PTK2B: variants seen among roughly 807,000 people sequenced by gnomAD.
The protein encoded by PTK2B is protein tyrosine kinase 2 beta, also known as protein-tyrosine kinase 2-beta.
A neutral mutation model predicts 142.9 loss-of-function variants in PTK2B; 71 were observed. That is an observed-to-expected ratio of 0.50 (90% confidence interval 0.41 to 0.61). The LOEUF (loss-of-function observed/expected upper bound fraction) is 0.61. Ranked by LOEUF, PTK2B falls within the 20% of genes least tolerant of loss-of-function variation. The pLI is 0.00. For missense variants in PTK2B, 1,105 were observed against 1,320.4 expected (o/e 0.84, Z 2.53); for synonymous variants, 519 against 503.4 (o/e 1.03, Z -0.42).
intron 3 of PTK2B, 84 bp downstream of exon 3, chr8:27,420,157 C>T (rs757560576): frequency 1.3e-6 from 2 of 1,488,636 alleles, no homozygotes; most frequent in African/African-American, 1.4e-5. Context: ...CCTTAGAGCA[C>T]TCCCCTGCCT....
At chr8:27,340,437 G>A (rs1202435006) in intron 1 of PTK2B, among the ~76,000 whole-genome samples, 1 of 152,230 alleles carries the variant, frequency 6.6e-6, no homozygotes, top group Non-Finnish European at 1.5e-5. Context: ...TGTTTTGGAA[G>A]CTGGGAACAT....
upstream of PTK2B, among the ~76,000 whole-genome samples, chr8:27,324,019 C>A: frequency 6.6e-6 from 1 of 152,158 alleles, no homozygotes; most frequent in East Asian, 1.9e-4. Context: ...AACAACTCAC[C>A]CAGGTATCTA....
chr8:27,313,325 A>C (rs534078583), intron 3 of PTK2B: 3 of 152,288 alleles, frequency 2.0e-5, no homozygotes, highest in African/African-American at 4.8e-5. Flanking sequence ...TAAATTACCC[A>C]GTCAGTCTAA....
chr8:27,445,935 A>G lies in PTK2B; in HGVS notation c.2340+16A>G, dbSNP rs746648247. The G allele has an allele frequency of 3.7e-6, 6 of 1,612,578 alleles. 1 individual carries two copies. The highest frequency in any genetic ancestry group is 2.5e-6 in the Non-Finnish European group (3 of 1,180,016). ...CAGCATGCGGGTAAGAGGGCTCTGC[A>G]TGCTGGTCCCTGCCCGGACTGAGGA... On this transcript the variant is annotated intron_variant, in intron 24 of 30. Transcript: ENST00000346049.
chr8:27,315,573 T>A (rs1240378413), intron 3 of PTK2B, among the ~76,000 whole-genome samples: 3 of 152,180 alleles, frequency 2.0e-5, no homozygotes, highest in Admixed American at 2.0e-4. Flanking sequence ...TGAATCGATA[T>A]GTGTTGCTGT....
chr8:27,336,414 A>G (rs4317530), intron 1 of PTK2B, among the ~76,000 whole-genome samples: 5 of 152,148 alleles, frequency 3.3e-5, no homozygotes, highest in Non-Finnish European at 5.9e-5. Flanking sequence ...CCGTATCTGT[A>G]TGGAGAGTCA....
intron 1 of PTK2B, among the ~76,000 whole-genome samples, chr8:27,394,783 T>C (rs547872123): frequency 6.6e-6 from 1 of 152,266 alleles, no homozygotes; most frequent in Admixed American, 6.5e-5. Context: ...ATATTTTCTT[T>C]CTTTATACCC....
At chr8:27,421,915 GC>G (rs1204997012) in intron 4 of PTK2B, among the ~76,000 whole-genome samples, 1 of 152,214 alleles carries the variant, frequency 6.6e-6, no homozygotes, top group East Asian at 1.9e-4. Context: ...CTCCTGGTTT[GC>G]CAGAGACTGA....
Position 27,458,469 on chromosome 8 carries a change from C to G in PTK2B, c.2990C>G (p.Ala997Gly), listed in dbSNP as rs1434129653. Residue 997 changes from alanine (A) to glycine (G), a missense_variant, in exon 31 of 31, where the codon GCC becomes GGC. Transcript: ENST00000346049. ...AKNLLDAVDQ[A>G]KVLANLAHPP... is the part of the protein sequence containing the mutation. Reference sequence around the variant, plus strand: ...AACCTGCTCGACGCTGTGGACCAGGCCAAGGTTCTGGCCAATCTGGCCCAC... The same window carrying G: ...AACCTGCTCGACGCTGTGGACCAGGGCAAGGTTCTGGCCAATCTGGCCCAC... 4 of 1,596,550 alleles carry G rather than the reference C, an allele frequency of 2.5e-6. No individual in the cohort carries two copies. Among genetic ancestry groups the G allele is most frequent in the Middle Eastern group, 3.6e-4 (2 of 5,572 alleles).
At chr8:27,340,326 G>A (rs965473078) in intron 1 of PTK2B, among the ~76,000 whole-genome samples, 2 of 152,232 alleles carry the variant, frequency 1.3e-5, no homozygotes, top group African/African-American at 4.8e-5. Flanking sequence ...GGATTTTGAA[G>A]AAGATATGTG....
chr8:27,414,051 G>A (rs1363910310), intron 2 of PTK2B, among the ~76,000 whole-genome samples: 2 of 152,258 alleles, frequency 1.3e-5, no homozygotes, highest in African/African-American at 2.4e-5. Context: ...CTGATTTGTG[G>A]TTATGTGTCC....
chr8:27,387,402 C>G (rs17447286), intron 1 of PTK2B, among the ~76,000 whole-genome samples: 1 of 152,028 alleles, frequency 6.6e-6, no homozygotes, highest in Non-Finnish European at 1.5e-5. Flanking sequence ...CTTCCTCTAG[C>G]TGTTACATTT....
At chr8:27,429,273 C>G (rs1810267125) in intron 5 of PTK2B, among the ~76,000 whole-genome samples, 2 of 152,166 alleles carry the variant, frequency 1.3e-5, no homozygotes, top group African/African-American at 4.8e-5. Flanking sequence ...AAGTTACTTC[C>G]CTCACTCTGC....
intron 3 of PTK2B, among the ~76,000 whole-genome samples, chr8:27,316,202 C>T (rs1197044186): frequency 6.6e-6 from 1 of 152,148 alleles, no homozygotes; most frequent in East Asian, 1.9e-4. Flanking sequence ...AACCCCTTGC[C>T]ATCACCATGT....
intron 2 of PTK2B, among the ~76,000 whole-genome samples, chr8:27,415,169 ATTGGTACTAT>A (rs2131728947): frequency 6.6e-6 from 1 of 152,272 alleles, no homozygotes; most frequent in East Asian, 1.9e-4. Flanking sequence ...AGCATTCCAA[ATTGGTACTAT>A]TATTTTGTCC....
intron 2 of PTK2B, among the ~76,000 whole-genome samples, chr8:27,414,863 A>G (rs935781814): frequency 6.6e-6 from 1 of 150,580 alleles, no homozygotes; most frequent in Non-Finnish European, 1.5e-5. Flanking sequence ...CAATCTCCTA[A>G]TCACTCCAAC....
upstream of PTK2B, among the ~76,000 whole-genome samples, chr8:27,321,614 A>G (rs769444223): frequency 1.3e-5 from 2 of 152,124 alleles, no homozygotes; most frequent in African/African-American, 2.4e-5. Flanking sequence ...AGTGGAAAAT[A>G]TTGGAGGATG....
chr8:27,366,985 G>A (rs2130858432), intron 1 of PTK2B, among the ~76,000 whole-genome samples: 1 of 152,242 alleles, frequency 6.6e-6, no homozygotes, highest in East Asian at 1.9e-4. Flanking sequence ...AATGTGAGGA[G>A]GTAGAAGGTG....
intron 13 of PTK2B, 23 bp downstream of exon 13, chr8:27,434,582 C>T: frequency 6.3e-7 from 1 of 1,594,580 alleles, no homozygotes. Flanking sequence ...CTGCATCCTC[C>T]ACCTGCTCCA....
Sources: allele counts gnomAD v4.1 joint callset (sites outside exome capture counted in the v4.1 genomes callset), GRCh38; gene constraint gnomAD v4.1.1; transcripts MANE v1.5; gene names NCBI Gene and HGNC (gene_info 2026-07-23, HGNC 2026-07-21).